Variants in MAP2 observed in about 807,000 individuals in gnomAD.
MAP2 encodes the protein microtubule associated protein 2.
Under a neutral mutation model 137.6 loss-of-function variants are expected in MAP2, and 14 were observed. The ratio of observed to expected loss-of-function variants is 0.10; its 90% confidence interval spans 0.07 to 0.16. The LOEUF (loss-of-function observed/expected upper bound fraction) is 0.16, where lower values mean the gene tolerates loss of function less well. Ranked by LOEUF, MAP2 falls within the 10% of genes least tolerant of loss-of-function variation. MAP2 has a pLI of 1.00. For synonymous variants in MAP2, 786 were observed against 782.3 expected (o/e 1.00, Z -0.08); for missense variants, 2,088 against 2,191.5 (o/e 0.95, Z 0.94).
intron 4 of MAP2, among the ~76,000 whole-genome samples, chr2:209,625,799 T>C (rs1330857429): frequency 6.6e-6 from 1 of 152,212 alleles, no homozygotes; most frequent in East Asian, 1.9e-4. Context: ...TAAACTTTTA[T>C]GTTTGCATTT....
chr2:209,550,013 T>C (rs775631068), intron 2 of MAP2, among the ~76,000 whole-genome samples: 6 of 152,214 alleles, frequency 3.9e-5, no homozygotes, highest in Non-Finnish European at 7.3e-5. Flanking sequence ...ACAATATAGT[T>C]TGTAGATTAT....
At chr2:209,504,832 T>TAAGATGATTAAA (rs978065018) in intron 1 of MAP2, among the ~76,000 whole-genome samples, 2 of 152,094 alleles carry the variant, frequency 1.3e-5, no homozygotes, top group Admixed American at 6.6e-5. Context: ...TAATGATTGA[T>TAAGATGATTAAA]AATATGATTA....
intron 1 of MAP2, among the ~76,000 whole-genome samples, chr2:209,464,809 G>A (rs1021152344): frequency 6.6e-5 from 10 of 152,060 alleles, no homozygotes; most frequent in African/African-American, 2.4e-4. Context: ...AAAATTGCCT[G>A]TGTTCCCCCA....
At chr2:209,676,888 A>G (rs1415595862) in intron 5 of MAP2, among the ~76,000 whole-genome samples, 2 of 151,158 alleles carry the variant, frequency 1.3e-5, no homozygotes, top group African/African-American at 4.9e-5. Context: ...TTTTAATTGC[A>G]TTAAAAATTA....
chr2:209,541,110 A>T lies in MAP2; in HGVS notation c.-172+33469A>T, dbSNP rs575352988. Among the ~76,000 whole-genome samples the T allele has an allele frequency of 2.6e-5, 4 of 151,114 alleles. 1 individual carries two copies. Among genetic ancestry groups the T allele is most frequent in the African/African-American group, 9.9e-5 (4 of 40,454 alleles). On this transcript the variant is annotated intron_variant, in intron 2 of 15. Coordinates refer to ENST00000682079, the MANE Select transcript of MAP2 (RefSeq NM_001375505.1). ...CGATGGCACGATCTCGGCTCACTGC[A>T]ACTTCCGCCTCCCGGGTTCAAGCAA...
At chr2:209,470,744 CCCAAGT>C (rs913167278) in intron 1 of MAP2, among the ~76,000 whole-genome samples, 4 of 152,092 alleles carry the variant, frequency 2.6e-5, no homozygotes, top group Non-Finnish European at 4.4e-5. Flanking sequence ...TATACTAACT[CCCAAGT>C]CCAGCTTCTC....
At chr2:209,565,743 A>G (rs1183702731) in intron 2 of MAP2, among the ~76,000 whole-genome samples, 1 of 152,160 alleles carries the variant, frequency 6.6e-6, no homozygotes, top group Admixed American at 6.5e-5. Flanking sequence ...AGAAATCACA[A>G]ATTCATCCTC....
intron 4 of MAP2, among the ~76,000 whole-genome samples, chr2:209,652,673 G>A (rs1345055368): frequency 6.6e-6 from 1 of 152,070 alleles, no homozygotes; most frequent in Non-Finnish European, 1.5e-5. Context: ...ATTTTTCATG[G>A]TATAGAATTC....
chr2:209,725,009 C>G (rs1435262958), intron 13 of MAP2, among the ~76,000 whole-genome samples: 2 of 152,158 alleles, frequency 1.3e-5, no homozygotes, highest in Admixed American at 1.3e-4. Context: ...AGGAAAGAAT[C>G]CCTTGTTTAA....
At chr2:209,619,569 A>G (rs1052521103) in intron 3 of MAP2, among the ~76,000 whole-genome samples, 2 of 152,102 alleles carry the variant, frequency 1.3e-5, no homozygotes, top group African/African-American at 4.8e-5. Flanking sequence ...ATACTGATAC[A>G]TGTGCCCCAT....
At chr2:209,706,854 A>T (rs1409191995) in intron 12 of MAP2, among the ~76,000 whole-genome samples, 1 of 151,608 alleles carries the variant, frequency 6.6e-6, no homozygotes, top group South Asian at 2.1e-4. Flanking sequence ...AGTGTTTATT[A>T]TAATAACAGT....
intron 2 of MAP2, among the ~76,000 whole-genome samples, chr2:209,532,021 G>A (rs12613572): frequency 0.15 from 22,687 of 151,990 alleles, 2,224 homozygotes; most frequent in African/African-American, 0.28. Context: ...GCAGGATTGC[G>A]TGAGTCCAAG....
rs2059977951 is a variant in MAP2, at chr2:209,695,599, G to A, written c.3429G>A (p.Glu1143=). ...GTGAGCATGAAAGTCTCACCATGGA[G>A]TCCTTGAAAGCTGATGAGGGCAAGA... ...SSGEHESLTM[E]SLKADEGKKE... is the part of the protein sequence containing the mutation. Residue 1143 remains glutamate (E), a synonymous_variant, in exon 8 of 16, where the codon GAG becomes GAA. Coordinates refer to ENST00000682079, the MANE Select transcript of MAP2 (RefSeq NM_001375505.1). The A allele has an allele frequency of 1.2e-6, 2 of 1,613,974 alleles. No homozygotes were observed. The highest frequency in any genetic ancestry group is 4.5e-5 in the East Asian group (2 of 44,868).
intron 2 of MAP2, among the ~76,000 whole-genome samples, chr2:209,512,462 C>T (rs751464878): frequency 1.6e-4 from 24 of 151,210 alleles, no homozygotes; most frequent in African/African-American, 5.1e-4. Flanking sequence ...TAAATTCTGA[C>T]GCTTCTCTTA....
intron 11 of MAP2, chr2:209,704,677 TG>T: frequency 6.8e-7 from 1 of 1,472,480 alleles, no homozygotes. Flanking sequence ...GAGAAGGTTA[TG>T]TTATAGAACC....
chr2:209,722,317 A>G (rs953850989), intron 13 of MAP2, among the ~76,000 whole-genome samples: 12 of 152,216 alleles, frequency 7.9e-5, no homozygotes, highest in African/African-American at 2.9e-4. Flanking sequence ...CTATCTTGTC[A>G]ATGTTAGGCA....
At chr2:209,700,561 T>G (rs16843513) in intron 11 of MAP2, among the ~76,000 whole-genome samples, 1 of 152,062 alleles carries the variant, frequency 6.6e-6, no homozygotes, top group African/African-American at 2.4e-5. Flanking sequence ...GACTGCTTCC[T>G]TACTAGTAAG....
At chr2:209,613,184 C>T (rs1438240215) in intron 3 of MAP2, among the ~76,000 whole-genome samples, 1 of 152,072 alleles carries the variant, frequency 6.6e-6, no homozygotes, top group African/African-American at 2.4e-5. Flanking sequence ...ACAGAACCAC[C>T]CAAAACATGA....
intron 5 of MAP2, 126 bp downstream of exon 5, chr2:209,653,558 C>G: frequency 1.0e-6 from 1 of 959,212 alleles, no homozygotes. Context: ...TCCAGTCAGT[C>G]AGAGGAAATA....
Sources: allele counts gnomAD v4.1 joint callset (sites outside exome capture counted in the v4.1 genomes callset), GRCh38; gene constraint gnomAD v4.1.1; transcripts MANE v1.5; gene names NCBI Gene and HGNC (gene_info 2026-07-23, HGNC 2026-07-21).